Variants in CACNA1A observed in about 807,000 individuals in gnomAD.
CACNA1A encodes the protein voltage-dependent P/Q-type calcium channel subunit alpha-1A.
In CACNA1A, 57 loss-of-function variants were observed where a neutral mutation model predicts 262.4. The observed-to-expected ratio is 0.22, with a 90% CI of 0.18 to 0.27. The LOEUF (loss-of-function observed/expected upper bound fraction) is 0.27. Among genes scored for constraint, CACNA1A ranks in the 10% least tolerant of loss-of-function variants. The pLI is 1.00. For synonymous variants in CACNA1A, 1,431 were observed against 1,419.3 expected, an observed-to-expected ratio of 1.01 and a Z score of -0.18; for missense variants, 2,526 against 3,562.8, an observed-to-expected ratio of 0.71 and a Z score of 7.41.
chr19:13,419,131 G>A (rs59752422), intron 3 of CACNA1A, among the ~76,000 whole-genome samples: 47,577 of 152,062 alleles, frequency 0.31, 7,730 homozygotes, highest in East Asian at 0.4. Context: ...CTGACCTCAG[G>A]TGATCTGGAA....
chr19:13,381,083 T>C (rs2059516439), intron 3 of CACNA1A, among the ~76,000 whole-genome samples: 1 of 152,098 alleles, frequency 6.6e-6, no homozygotes, highest in Non-Finnish European at 1.5e-5. Context: ...GCCTGAAGCA[T>C]TCTAAGAAGA....
chr19:13,413,471 C>T (rs1443845660), intron 3 of CACNA1A, among the ~76,000 whole-genome samples: 1 of 149,786 alleles, frequency 6.7e-6, no homozygotes, highest in South Asian at 2.1e-4. Context: ...ACTAGGGAGG[C>T]CAAGGCAAGA....
intron 6 of CACNA1A, among the ~76,000 whole-genome samples, chr19:13,356,682 C>G (rs921139900): frequency 6.6e-6 from 1 of 152,152 alleles, no homozygotes; most frequent in Non-Finnish European, 1.5e-5. Flanking sequence ...TTTTTCAGCT[C>G]CCATTCCCCA....
At chr19:13,335,761 C>G in intron 7 of CACNA1A, 45 bp downstream of exon 7, 4 of 1,233,904 alleles carry the variant, frequency 3.2e-6, no homozygotes, top group Non-Finnish European at 3.5e-6. Flanking sequence ...AAGAAGTTAG[C>G]AAAGAGGAGT....
intron 17 of CACNA1A, among the ~76,000 whole-genome samples, chr19:13,301,202 C>T (rs1228662038): frequency 1.3e-5 from 2 of 151,960 alleles, no homozygotes; most frequent in Non-Finnish European, 2.9e-5. Flanking sequence ...ATGATCCTCC[C>T]ATTTCGGCCT....
Position 13,275,906 on chromosome 19 carries a change from G to C in CACNA1A, c.3933C>G (p.Leu1311=), listed in dbSNP as rs372081879. The change falls in exon 24 of 47, where the codon CTC becomes CTG. Residue 1311 remains leucine (L), a synonymous_variant. Coordinates refer to ENST00000360228, the MANE Select transcript of CACNA1A (RefSeq NM_001127222.2). ...CCACTATGAAGTCGAGAATATTCCA[G>C]AGGTCACGGAAGTAGGCACCCTGAT... ...VLHQGAYFRD[L]WNILDFIVVS... 1.3e-5 allele frequency: 21 copies of C among 1,613,800 alleles called. No homozygotes were observed. The highest frequency in any genetic ancestry group is 1.8e-5 in the Non-Finnish European group (21 of 1,179,838).
intron 34 of CACNA1A, among the ~76,000 whole-genome samples, chr19:13,233,977 C>T (rs2055764037): frequency 6.7e-6 from 1 of 148,626 alleles, no homozygotes. Flanking sequence ...TACACCTCCA[C>T]AAGAGGAGCT....
Position 13,255,149 on chromosome 19 carries a change from G to A in CACNA1A, c.4701C>T (p.Phe1567=), listed in dbSNP as rs780277246. The change falls in exon 29 of 47, where the codon TTC becomes TTT. Residue 1567 remains phenylalanine (F), a synonymous_variant. Transcript: ENST00000360228. ...RMWQFVVSPP[F]EYTIMAMIAL... Reference sequence around the variant, plus strand: ...CGATCATGGCCATGATCGTGTACTCGAAAGGCGGAGACACCACGAACTGCC... The same window carrying A: ...CGATCATGGCCATGATCGTGTACTCAAAAGGCGGAGACACCACGAACTGCC... 2.5e-6 allele frequency: 4 copies of A among 1,613,890 alleles called. No homozygotes were observed. In the South Asian group the frequency reaches 3.3e-5, roughly 13 times the overall value.
chr19:13,406,524 G>T (rs1226027216), intron 3 of CACNA1A, among the ~76,000 whole-genome samples: 1 of 113,560 alleles, frequency 8.8e-6, no homozygotes, highest in African/African-American at 3.2e-5. Flanking sequence ...AAGGGAATCT[G>T]ATCCCTAACA....
chr19:13,325,030 T>TC (rs2058327756), intron 10 of CACNA1A, among the ~76,000 whole-genome samples: 1 of 151,830 alleles, frequency 6.6e-6, no homozygotes, highest in South Asian at 2.1e-4. Flanking sequence ...TTCGTCTTCT[T>TC]CTTCCTCTTC....
intron 1 of CACNA1A, among the ~76,000 whole-genome samples, chr19:13,478,162 C>T (rs1311103844): frequency 1.3e-5 from 2 of 152,104 alleles, no homozygotes; most frequent in Non-Finnish European, 2.9e-5. Flanking sequence ...CAGTTCTGGC[C>T]AGAATGCCAC....
chr19:13,212,567 G>C lies in CACNA1A; in HGVS notation c.6051-45C>G. The C allele has an allele frequency of 6.6e-7, 1 of 1,524,516 alleles. No individual in the cohort carries two copies. Among genetic ancestry groups the C allele is most frequent in the Non-Finnish European group, 8.9e-7 (1 of 1,129,774 alleles). 94.4% of individuals were successfully genotyped at this position (1,524,516 alleles called of 1,614,324 possible). A position where few individuals can be genotyped will look rare whatever the true frequency, so the allele number is the denominator to read the frequency against. The stretch of plus-strand genomic sequence containing the variant: ...CGGGGTAGCAGTGGGCGCTTGGGCA[G>C]CTTCCAGAACGTGGGGACCACGGCA... On this transcript the variant is annotated intron_variant, in intron 41 of 46. Coordinates refer to ENST00000360228, the MANE Select transcript of CACNA1A (RefSeq NM_001127222.2). This position sits in a 1 kb window ranked among gnomAD's most constrained non-coding sequence, Gnocchi z 5.6.
chr19:13,231,701 C>T lies in CACNA1A; in HGVS notation c.5400+9G>A, dbSNP rs748422424. On this transcript the variant is annotated intron_variant, in intron 35 of 46. Transcript: ENST00000360228. ...GCCCAGACGGCCCTCACAGTGTCCA[C>T]AGACTCACCAGAAACGAGCAGAGGA... 1.2e-6 allele frequency: 2 copies of T among 1,606,902 alleles called. No homozygotes were observed. The highest frequency in any genetic ancestry group is 2.2e-5 in the South Asian group (2 of 89,950).
intron 1 of CACNA1A, among the ~76,000 whole-genome samples, chr19:13,476,793 C>A (rs1316788690): frequency 6.6e-6 from 1 of 152,144 alleles, no homozygotes; most frequent in Non-Finnish European, 1.5e-5. Context: ...TCTCCACAGA[C>A]AACAACCTGG....
intron 3 of CACNA1A, among the ~76,000 whole-genome samples, chr19:13,448,136 GA>G (rs1318784646): frequency 2.0e-5 from 3 of 148,812 alleles, no homozygotes; most frequent in African/African-American, 7.4e-5. Context: ...ACTGGATAAA[GA>G]AAATGTGGTA....
rs182875151 is a variant in CACNA1A, at chr19:13,373,647, G to T, written c.540-1868C>A. Among the ~76,000 whole-genome samples the T allele has an allele frequency of 5.1e-4, 78 of 152,242 alleles. No individual in the cohort carries two copies. The South Asian group carries it at 5.8e-3, about 11-fold the overall frequency. ...ACCCTTCTGGGGTCACCTCTCAGAT[G>T]AACTACTTGCACAAGGATTGCCCTA... On this transcript the variant is annotated intron_variant, in intron 3 of 46. Transcript: ENST00000360228.
intron 3 of CACNA1A, among the ~76,000 whole-genome samples, chr19:13,373,384 T>C (rs1568582993): frequency 1.3e-5 from 2 of 152,244 alleles, no homozygotes; most frequent in African/African-American, 4.8e-5. Flanking sequence ...CCAACTGGTA[T>C]CTGTACCTCT....
intron 1 of CACNA1A, among the ~76,000 whole-genome samples, chr19:13,496,319 A>G (rs1179824745): frequency 2.0e-5 from 3 of 152,226 alleles, no homozygotes; most frequent in Non-Finnish European, 4.4e-5. Context: ...GCCCTCAGAG[A>G]AGCTAACCTA....
intron 5 of CACNA1A, among the ~76,000 whole-genome samples, chr19:13,360,588 CTG>C (rs2059091774): frequency 6.6e-6 from 1 of 151,768 alleles, no homozygotes. Context: ...AGGGATTCTC[CTG>C]CCTCAGGCTC....
Sources: allele counts gnomAD v4.1 joint callset (sites outside exome capture counted in the v4.1 genomes callset), GRCh38; gene constraint gnomAD v4.1.1; non-coding constraint Gnocchi (gnomAD v3.1); transcripts MANE v1.5; gene names NCBI Gene and HGNC (gene_info 2026-07-23, HGNC 2026-07-21).